SLC22A23: variants seen among roughly 807,000 people sequenced by gnomAD.
The protein encoded by SLC22A23 is solute carrier family 22 member 23.
A neutral mutation model predicts 61.0 loss-of-function variants in SLC22A23; 26 were observed. That is an observed-to-expected ratio of 0.43 (90% CI 0.31 to 0.59). The LOEUF (loss-of-function observed/expected upper bound fraction) is 0.59. SLC22A23 is among the 20% of genes least tolerant of loss of function. The probability of loss-of-function intolerance (pLI) is 0.11; values close to 1 mark genes in which losing one functional copy is unlikely to be tolerated. For missense variants in SLC22A23, 796 were observed against 934.7 expected (o/e 0.85, Z 1.94); for synonymous variants, 430 against 413.9 (o/e 1.04, Z -0.47).
intron 3 of SLC22A23, among the ~76,000 whole-genome samples, chr6:3,408,650 A>G (rs2127510628): frequency 6.6e-6 from 1 of 152,336 alleles, no homozygotes; most frequent in Non-Finnish European, 1.5e-5. Context: ...AGTAATTGGC[A>G]TGCAAGATAA....
chr6:3,310,437 C>G (rs1762311395), intron 4 of SLC22A23, among the ~76,000 whole-genome samples: 1 of 131,224 alleles, frequency 7.6e-6, no homozygotes, highest in East Asian at 2.6e-4. Context: ...CTCGAGCACC[C>G]TGTCTCCCAG....
At chr6:3,306,936 G>T (rs1762017199) in intron 4 of SLC22A23, among the ~76,000 whole-genome samples, 1 of 152,236 alleles carries the variant, frequency 6.6e-6, no homozygotes, top group Non-Finnish European at 1.5e-5. Context: ...TGCCCCAGGG[G>T]TAGAGGGAGG....
intron 5 of SLC22A23, among the ~76,000 whole-genome samples, chr6:3,295,973 A>T (rs1384383692): frequency 6.6e-6 from 1 of 152,226 alleles, no homozygotes; most frequent in East Asian, 1.9e-4. Context: ...AAAGAAATAA[A>T]TTTTTAAAAA....
intron 4 of SLC22A23, among the ~76,000 whole-genome samples, chr6:3,314,126 C>G (rs1762506516): frequency 6.6e-6 from 1 of 152,220 alleles, no homozygotes; most frequent in Non-Finnish European, 1.5e-5. Context: ...GAGCCCTTAT[C>G]AGGGCAGGTA....
rs1355619519 is a variant in SLC22A23, at chr6:3,324,286, T to G, written c.914-284A>C. 1 of 442,760 alleles carries G rather than the reference T, an allele frequency of 2.3e-6. No individual in the cohort carries two copies. Among genetic ancestry groups the G allele is most frequent in the African/African-American group, 2.0e-5 (1 of 51,108 alleles). The allele number at this position is 442,760 out of a possible 1,614,324, so 27.4% of individuals were successfully genotyped here. A position where few individuals can be genotyped will look rare whatever the true frequency, so the allele number is the denominator to read the frequency against. ...TAGCTCAGAAACCAGGAAATGGTAC[T>G]GCCTATGGGACAGATCGCCCATTGT... On this transcript the variant is annotated intron_variant, in intron 3 of 9. Transcript: ENST00000406686. The surrounding 1 kb of genome is among the most constrained non-coding windows in gnomAD (Gnocchi z 4.3).
rs1218078111 is a variant in SLC22A23, at chr6:3,360,745, C to T, written c.914-36743G>A. ...CCCAAGGGGTCCTCAGTGATGTCGA[C>T]ACGACAGGTGTGCAGGCACCCCCAT... is the stretch of plus-strand genomic sequence containing the variant. On this transcript the variant is annotated intron_variant, in intron 3 of 9. Transcript: ENST00000406686. This position sits in a 1 kb window ranked among gnomAD's most constrained non-coding sequence, Gnocchi z 4.6. 6.6e-6 allele frequency among the ~76,000 whole-genome samples: 1 copy of T among 152,240 alleles called. No individual in the cohort carries two copies. The highest frequency in any genetic ancestry group is 6.5e-5 in the Admixed American group (1 of 15,292).
intron 3 of SLC22A23, among the ~76,000 whole-genome samples, chr6:3,346,153 C>A (rs534555594): frequency 1.3e-5 from 2 of 152,120 alleles, no homozygotes; most frequent in African/African-American, 4.8e-5. Context: ...GGCTCCTGGA[C>A]GTTCAAGGGC....
intron 3 of SLC22A23, among the ~76,000 whole-genome samples, chr6:3,367,414 G>A (rs9503563): frequency 3.0e-3 from 450 of 152,314 alleles, no homozygotes; most frequent in African/African-American, 0.01. Flanking sequence ...CATCTTGGGC[G>A]TTAGCAAGCT....
At chr6:3,447,895 C>CT (rs368195068) in intron 1 of SLC22A23, among the ~76,000 whole-genome samples, 37,410 of 76,428 alleles carry the variant, frequency 0.49, 11,062 homozygotes, top group African/African-American at 0.63. Context: ...GCCTCTCTCT[C>CT]TCTTTTTTTT....
chr6:3,425,896 A>G (rs1770456472), intron 1 of SLC22A23, among the ~76,000 whole-genome samples: 1 of 152,236 alleles, frequency 6.6e-6, no homozygotes, highest in African/African-American at 2.4e-5. Flanking sequence ...AAACAGCCCT[A>G]GTTCATACAA....
chr6:3,357,020 A>G lies in SLC22A23; in HGVS notation c.914-33018T>C, dbSNP rs1002028816. ...AAGACAATTTTAAAGCAGTAAACCT[A>G]GCAATACAGCCTGGAAGAGAAAACC... is the stretch of plus-strand genomic sequence containing the variant. On this transcript the variant is annotated intron_variant, in intron 3 of 9. Transcript: ENST00000406686. 1.1e-4 allele frequency among the ~76,000 whole-genome samples: 17 copies of G among 147,830 alleles called. No homozygotes were observed. In the East Asian group the frequency reaches 2.4e-3, roughly 21 times the overall value.
At chr6:3,364,647 C>T (rs959864364) in intron 3 of SLC22A23, among the ~76,000 whole-genome samples, 5 of 152,126 alleles carry the variant, frequency 3.3e-5, no homozygotes, top group African/African-American at 7.2e-5. Context: ...AGGTCTCACG[C>T]GTGCAGGGCA....
At chr6:3,429,388 C>G (rs185084936) in intron 1 of SLC22A23, among the ~76,000 whole-genome samples, 1 of 152,332 alleles carries the variant, frequency 6.6e-6, no homozygotes, top group Non-Finnish European at 1.5e-5. Context: ...CAACAAGAAG[C>G]AGTCAACTGT....
At position 3,297,768 on chromosome 6, in the gene SLC22A23, G is replaced by A. The variant is rs1173839565; in HGVS notation, c.1210+323C>T. Among the ~76,000 whole-genome samples, 6 of 152,214 alleles carry A rather than the reference G, an allele frequency of 3.9e-5. No individual in the cohort carries two copies. Among genetic ancestry groups the A allele is most frequent in the African/African-American group, 1.2e-4 (5 of 41,466 alleles). On this transcript the variant is annotated intron_variant, in intron 5 of 9. Coordinates refer to ENST00000406686, the MANE Select transcript of SLC22A23 (RefSeq NM_015482.2). This position sits in a 1 kb window ranked among gnomAD's most constrained non-coding sequence, Gnocchi z 4.3. ...CACCCTGAGCCAGCGCTCTGGCAGT[G>A]TTTAGACCTGGCAGGCAGGTAGGCT...
At chr6:3,402,830 A>G (rs1301395744) in intron 3 of SLC22A23, among the ~76,000 whole-genome samples, 2 of 152,218 alleles carry the variant, frequency 1.3e-5, no homozygotes, top group Non-Finnish European at 2.9e-5. Flanking sequence ...AACAATGGCA[A>G]GGGTTTAGTA....
intron 2 of SLC22A23, among the ~76,000 whole-genome samples, chr6:3,412,094 C>T: frequency 6.6e-6 from 1 of 152,138 alleles, no homozygotes. Context: ...GATGCAACGC[C>T]TGGCGCAGAG....
rs111894880 is a variant in SLC22A23 at position 3,317,828 on chromosome 6, C to T, written c.1082+6006G>A. ...CTGCAAACCACACGAGAGGACCAGGCGAGCGCACCCTCCCATTCTCTGGCC... is the reference window on the plus strand; with the variant it reads ...CTGCAAACCACACGAGAGGACCAGGTGAGCGCACCCTCCCATTCTCTGGCC... On this transcript the variant is annotated intron_variant, in intron 4 of 9. Coordinates refer to ENST00000406686, the MANE Select transcript of SLC22A23 (RefSeq NM_015482.2). This position sits in a 1 kb window ranked among gnomAD's most constrained non-coding sequence, Gnocchi z 4.4. 8.5e-5 allele frequency among the ~76,000 whole-genome samples: 13 copies of T among 152,250 alleles called. 1 individual carries two copies. Among genetic ancestry groups the T allele is most frequent in the African/African-American group, 2.6e-4 (11 of 41,546 alleles).
At chr6:3,439,331 G>A (rs774554108) in intron 1 of SLC22A23, 28 of 449,164 alleles carry the variant, frequency 6.2e-5, no homozygotes, top group South Asian at 2.2e-4. Context: ...TCTTTTAAAC[G>A]ATGGATGCTG....
At chr6:3,382,502 C>T (rs753871565) in intron 3 of SLC22A23, among the ~76,000 whole-genome samples, 2 of 152,200 alleles carry the variant, frequency 1.3e-5, no homozygotes, top group African/African-American at 4.8e-5. Flanking sequence ...ATAGACTGGG[C>T]GAGTCCCCCT....
Sources: allele counts gnomAD v4.1 joint callset (sites outside exome capture counted in the v4.1 genomes callset), GRCh38; gene constraint gnomAD v4.1.1; non-coding constraint Gnocchi (gnomAD v3.1); transcripts MANE v1.5; gene names NCBI Gene and HGNC (gene_info 2026-07-23, HGNC 2026-07-21).